Variants in PDZRN4 observed in about 807,000 individuals in gnomAD.
PDZRN4 encodes the protein PDZ domain containing ring finger 4, also known as PDZ domain-containing RING finger protein 4.
In PDZRN4, 70 loss-of-function variants were observed where a neutral mutation model predicts 99.0. The observed-to-expected ratio is 0.71, with a 90% confidence interval of 0.58 to 0.86. The LOEUF is 0.86. PDZRN4 is among the 40% of genes least tolerant of loss of function. PDZRN4 has a pLI of 0.00. For synonymous variants in PDZRN4, 551 were observed against 501.6 expected (o/e 1.10, Z -1.32); for missense variants, 1,474 against 1,331.2 (o/e 1.11, Z -1.67).
intron 5 of PDZRN4, among the ~76,000 whole-genome samples, chr12:41,538,702 TA>T (rs1363279403): frequency 3.9e-5 from 6 of 152,082 alleles, no homozygotes; most frequent in Non-Finnish European, 8.8e-5. Context: ...TTAAATAAAT[TA>T]AACATTAAAA....
chr12:41,478,550 AT>A (rs1303444050), intron 3 of PDZRN4, among the ~76,000 whole-genome samples: 1 of 152,290 alleles, frequency 6.6e-6, no homozygotes, highest in East Asian at 1.9e-4. Flanking sequence ...GTTCAAAAAC[AT>A]TTTCACCTGT....
chr12:41,206,806 T>G lies in PDZRN4; in HGVS notation c.843+12618T>G, dbSNP rs116328066. ...ATCTATCACAAAGCAATTAAATGCT[T>G]CCTATCTTACCTGGTTTTCTCTCGG... On this transcript the variant is annotated intron_variant, in intron 3 of 9. Transcript: ENST00000402685. Among the ~76,000 whole-genome samples the G allele has an allele frequency of 7.0e-3, 1,071 of 152,044 alleles. 15 individuals carry two copies. The highest frequency in any genetic ancestry group is 0.024 in the African/African-American group (1,006 of 41,530).
chr12:41,360,693 G>A (rs1419929285), intron 3 of PDZRN4, among the ~76,000 whole-genome samples: 1 of 151,838 alleles, frequency 6.6e-6, no homozygotes, highest in African/African-American at 2.4e-5. Context: ...TAGACTAAAG[G>A]TGTAATTTTT....
chr12:41,191,623 TA>T, intron 2 of PDZRN4, 79 bp downstream of exon 2: 1 of 682,328 alleles, frequency 1.5e-6, no homozygotes, highest in African/African-American at 1.8e-5. Context: ...TATAAAATAA[TA>T]GAGGACTTAG....
At chr12:41,498,974 A>T (rs1191670805) in intron 3 of PDZRN4, among the ~76,000 whole-genome samples, 3 of 152,146 alleles carry the variant, frequency 2.0e-5, no homozygotes, top group Admixed American at 6.6e-5. Context: ...GAAAACAAAT[A>T]GCATAATCAA....
intron 9 of PDZRN4, among the ~76,000 whole-genome samples, chr12:41,568,216 T>C (rs1429881239): frequency 1.3e-5 from 2 of 152,214 alleles, no homozygotes; most frequent in East Asian, 1.9e-4. Flanking sequence ...CTTATCAATA[T>C]GCCAGCTGAA....
intron 5 of PDZRN4, among the ~76,000 whole-genome samples, chr12:41,542,836 A>G (rs1200214740): frequency 1.3e-5 from 2 of 152,218 alleles, no homozygotes; most frequent in Non-Finnish European, 2.9e-5. Flanking sequence ...TAAAAAATCT[A>G]ATCAATACTA....
At chr12:41,403,487 A>T (rs1952319161) in intron 3 of PDZRN4, among the ~76,000 whole-genome samples, 1 of 152,176 alleles carries the variant, frequency 6.6e-6, no homozygotes, top group Admixed American at 6.6e-5. Flanking sequence ...AAAGTGTTCC[A>T]GGTAAATCAC....
At chr12:41,445,607 G>C (rs1299458191) in intron 3 of PDZRN4, among the ~76,000 whole-genome samples, 2 of 151,984 alleles carry the variant, frequency 1.3e-5, no homozygotes, top group African/African-American at 4.8e-5. Flanking sequence ...AAATCACTAG[G>C]TAGTCACTCA....
intron 5 of PDZRN4, among the ~76,000 whole-genome samples, chr12:41,516,756 A>T (rs558327881): frequency 6.6e-6 from 1 of 150,626 alleles, no homozygotes; most frequent in South Asian, 2.1e-4. Context: ...TGTATGGCTC[A>T]TTATGAATAG....
intron 5 of PDZRN4, among the ~76,000 whole-genome samples, chr12:41,520,938 C>A (rs761387635): frequency 5.3e-5 from 8 of 152,058 alleles, no homozygotes; most frequent in Non-Finnish European, 1.0e-4. Flanking sequence ...TTCTAGACAT[C>A]GTTGAATTTT....
At chr12:41,376,763 G>C (rs1379943602) in intron 3 of PDZRN4, among the ~76,000 whole-genome samples, 2 of 151,942 alleles carry the variant, frequency 1.3e-5, no homozygotes, top group Non-Finnish European at 2.9e-5. Context: ...TTGCTTTTGT[G>C]GTTTGTGCTT....
At chr12:41,487,865 C>G (rs1361502640) in intron 3 of PDZRN4, among the ~76,000 whole-genome samples, 1 of 152,188 alleles carries the variant, frequency 6.6e-6, no homozygotes, top group Non-Finnish European at 1.5e-5. Flanking sequence ...TGGAGTTAAA[C>G]TTAAGAAAGT....
chr12:41,531,434 G>A (rs918333259), intron 5 of PDZRN4, among the ~76,000 whole-genome samples: 1 of 152,176 alleles, frequency 6.6e-6, no homozygotes, highest in Admixed American at 6.5e-5. Context: ...CTGTCAACAT[G>A]CACGTGTTTG....
rs544051989 is a variant in PDZRN4 at position 41,543,442 on chromosome 12, T to G, written c.1204-9214T>G. ...TAATGCTGGCTCTGAATTTCCTCATTTATAACATAAAATTTGTAGATAATA... is the reference window on the plus strand; with the variant it reads ...TAATGCTGGCTCTGAATTTCCTCATGTATAACATAAAATTTGTAGATAATA... On this transcript the variant is annotated intron_variant, in intron 5 of 9. Transcript: ENST00000402685. Among the ~76,000 whole-genome samples, 28 of 152,238 alleles carry G rather than the reference T, an allele frequency of 1.8e-4. 1 individual carries two copies. The South Asian group carries it at 5.8e-3, about 32-fold the overall frequency.
At chr12:41,419,916 T>C (rs1401502823) in intron 3 of PDZRN4, among the ~76,000 whole-genome samples, 3 of 152,178 alleles carry the variant, frequency 2.0e-5, no homozygotes, top group Non-Finnish European at 4.4e-5. Context: ...TGATGTAAAT[T>C]TTATCACAAC....
At chr12:41,382,048 C>T (rs1565567619) in intron 3 of PDZRN4, among the ~76,000 whole-genome samples, 1 of 152,126 alleles carries the variant, frequency 6.6e-6, no homozygotes, top group East Asian at 1.9e-4. Flanking sequence ...ATGAGCTCTG[C>T]ATTCAGGCTT....
chr12:41,281,547 T>A (rs950367045), intron 3 of PDZRN4, among the ~76,000 whole-genome samples: 1 of 152,064 alleles, frequency 6.6e-6, no homozygotes, highest in Non-Finnish European at 1.5e-5. Flanking sequence ...CTGAAAAACA[T>A]AGCACAAGAA....
Position 41,188,870 on chromosome 12 carries a change from G to T in PDZRN4, c.415G>T (p.Ala139Ser). ...GGGGGGCTGCGGTCCGACACCCAGG[G>T]CTGGCCGGGGCGGGGGCGCGCGCGG... Reference protein sequence around the residue: ...ARGGCGPTPRAGRGGGARGGP... With the variant: ...ARGGCGPTPRSGRGGGARGGP... The change falls in exon 1 of 10, where the codon GCT becomes TCT. Residue 139 changes from alanine (A) to serine (S), a missense_variant. Coordinates refer to ENST00000402685, the MANE Select transcript of PDZRN4 (RefSeq NM_001164595.2). The T allele has an allele frequency of 8.6e-7, 1 of 1,162,794 alleles. No individual in the cohort carries two copies. Among genetic ancestry groups the T allele is most frequent in the Non-Finnish European group, 1.1e-6 (1 of 944,062 alleles). The allele number at this position is 1,162,794 out of a possible 1,614,324, so 72.0% of individuals were successfully genotyped here. A position where few individuals can be genotyped will look rare whatever the true frequency, so the allele number is the denominator to read the frequency against.
Sources: gnomAD v4.1 joint callset for allele counts (sites outside exome capture counted in the v4.1 genomes callset) on GRCh38, gnomAD v4.1.1 for gene constraint, MANE v1.5 for transcripts, NCBI Gene and HGNC (gene_info 2026-07-23, HGNC 2026-07-21) for gene names.